The following RTEL1 variants were observed in gnomAD, a reference collection of about 807,000 sequenced individuals.
RTEL1 encodes the protein regulator of telomere elongation helicase 1.
In RTEL1, 86 loss-of-function variants were observed where a neutral mutation model predicts 162.2. The ratio of observed to expected loss-of-function variants is 0.53; its 90% confidence interval spans 0.45 to 0.63. RTEL1 has a LOEUF of 0.63. RTEL1 is among the 30% of genes least tolerant of loss of function. RTEL1 has a pLI of 0.00. For missense variants in RTEL1, 1,941 were observed against 1,750.2 expected, an observed-to-expected ratio of 1.11 and a Z score of -1.95; for synonymous variants, 958 against 717.9, an observed-to-expected ratio of 1.33 and a Z score of -5.35.
chr20:63,667,103 T>C (rs2146174486), intron 7 of RTEL1, among the ~76,000 whole-genome samples: 1 of 152,290 alleles, frequency 6.6e-6, no homozygotes, highest in South Asian at 2.1e-4. Flanking sequence ...CCTCCCAAAG[T>C]GCTGGGATTA....
chr20:63,672,578 A>T lies in RTEL1; in HGVS notation c.722A>T (p.Asp241Val), dbSNP rs1486427577. The change falls in exon 9 of 35, where the codon GAC becomes GTC. Residue 241 changes from aspartate to valine, a missense_variant. Physicochemically the swap from Asp to Val is radical, Grantham distance 152 (BLOSUM62 -3). Coordinates refer to ENST00000360203, the MANE Select transcript of RTEL1 (RefSeq NM_001283009.2). ...TAGAGCCGCAGAGCACACAACATTG[A>T]CCTGAAGGGGACAGTCGTGATCTTT... ...DAKSRRAHNI[D>V]LKGTVVIFDE... The T allele has an allele frequency of 1.9e-6, 3 of 1,585,608 alleles. No individual in the cohort carries two copies. In the African/African-American group the frequency reaches 4.0e-5, roughly 21 times the overall value.
intron 10 of RTEL1, among the ~76,000 whole-genome samples, chr20:63,675,671 C>G (rs909172550): frequency 6.6e-6 from 1 of 152,188 alleles, no homozygotes; most frequent in Non-Finnish European, 1.5e-5. Flanking sequence ...GCACCACTGC[C>G]ACCGGCTCTC....
rs764531481 is a variant in RTEL1, at chr20:63,695,490, A to G, written c.3662A>G (p.His1221Arg). Residue 1221 changes from histidine to arginine, a missense_variant, in exon 34 of 35, where the codon CAT becomes CGT. Transcript: ENST00000360203. ...GCAGCATCTGAGTGGGGTGAGCCTC[A>G]TGGGAGAGACATCGCTGGGCAGCAG... ...GPAASEWGEP[H>R]GRDIAGQQAT... 6.2e-7 allele frequency: 1 copy of G among 1,609,882 alleles called. No homozygotes were observed. Among genetic ancestry groups the G allele is most frequent in the Non-Finnish European group, 8.5e-7 (1 of 1,178,532 alleles).
At chr20:63,664,885 C>G (rs967085238) in intron 6 of RTEL1, among the ~76,000 whole-genome samples, 1 of 152,190 alleles carries the variant, frequency 6.6e-6, no homozygotes. Flanking sequence ...TGGGGCAGAG[C>G]CTCTGGGACG....
chr20:63,695,551 CTGTG>C lies in RTEL1; in HGVS notation c.3728_3731del (p.Val1243AlafsTer120). 1.2e-6 allele frequency: 2 copies of C among 1,612,392 alleles called. No homozygotes were observed. The highest frequency in any genetic ancestry group is 1.1e-5 in the South Asian group (1 of 91,078). The stretch of plus-strand genomic sequence containing the variant: ...CTCCGGGCGGGCCCCTCTCAGCAGG[CTGTG>C]TGTGCCAGGGCTGTGGGGCAGAGGA... On this transcript the variant is annotated frameshift_variant, in exon 34 of 35. Transcript: ENST00000360203. LOFTEE classifies it high-confidence loss of function.
rs1481119728 is a variant in RTEL1, at chr20:63,689,059, T to C, written c.1805T>C (p.Ile602Thr). 1.2e-6 allele frequency: 2 copies of C among 1,610,718 alleles called. No homozygotes were observed. Among genetic ancestry groups the C allele is most frequent in the South Asian group, 1.1e-5 (1 of 91,074 alleles). The change falls in exon 22 of 35, where the codon ATC (isoleucine) becomes ACC (threonine). Residue 602 changes from isoleucine to threonine, a missense_variant. Physicochemically the swap from Ile to Thr is moderately conservative, Grantham distance 89. Transcript: ENST00000360203. ...PRSKGSFSETISAYYARVAAP... is the reference protein window; with the variant it reads ...PRSKGSFSETTSAYYARVAAP... ...CCTCACCAACTTTCCTTCCAGACCA[T>C]CAGTGCTTACTATGCAAGGGTTGCC... is the stretch of plus-strand genomic sequence containing the variant.
chr20:63,687,519 G>T (rs752543530), intron 16 of RTEL1, 119 bp from the exon 17 acceptor site: 1 of 1,177,254 alleles, frequency 8.5e-7, no homozygotes, highest in Non-Finnish European at 1.2e-6. Context: ...CTGGGTGGCT[G>T]CCCGCGGCTC....
rs373014544 is a variant in RTEL1, at chr20:63,688,481, C to T, written c.1723-47C>T. 1.6e-3 allele frequency: 2,611 copies of T among 1,605,272 alleles called. 4 individuals carry two copies. The highest frequency in any genetic ancestry group is 2.0e-3 in the Non-Finnish European group (2,379 of 1,175,950). On this transcript the variant is annotated intron_variant, in intron 20 of 34. Transcript: ENST00000360203. ...CAGCTCCTGCTTGCCCTCATCGGAT[C>T]GGCGGCGTGACCAGGGCTGCCGTGT...
In RTEL1 at chr20:63,661,390, C is replaced by G; in HGVS notation, c.195C>G (p.Asp65Glu). ...TGGCCTGGCGAGAACACCTCCGAGA[C>G]GGCATCTCTGCCCGCAAGATTGCCG... ...TTLAWREHLR[D>E]GISARKIAER... is the part of the protein sequence containing the mutation. Residue 65 changes from aspartate (D) to glutamate (E), a missense_variant, in exon 3 of 35, where the codon GAC (aspartate) becomes GAG (glutamate). Transcript: ENST00000360203. The surrounding 1 kb of genome is among the most constrained non-coding windows in gnomAD (Gnocchi z 5.1). 6.2e-7 allele frequency: 1 copy of G among 1,613,938 alleles called. No homozygotes were observed. The highest frequency in any genetic ancestry group is 8.5e-7 in the Non-Finnish European group (1 of 1,180,036).
At chr20:63,687,383 G>C in intron 16 of RTEL1, 1 of 496,664 alleles carries the variant, frequency 2.0e-6, no homozygotes, top group Non-Finnish European at 3.6e-6. Flanking sequence ...CCTCTCTGCA[G>C]GTGTCCCCAG....
At chr20:63,682,459 T>C (rs13038722) in intron 14 of RTEL1, 105 of 972,006 alleles carry the variant, frequency 1.1e-4, no homozygotes, top group African/African-American at 6.7e-4. Context: ...TCCTGGAACG[T>C]GGCCTCCCAG....
At chr20:63,692,454 T>A (rs767130819) in intron 28 of RTEL1, 2 of 364,342 alleles carry the variant, frequency 5.5e-6, no homozygotes, top group Non-Finnish European at 1.0e-5. Context: ...TGCGCTGCCA[T>A]CCTGGGAGCC....
chr20:63,680,905 G>A (rs1036057250), intron 14 of RTEL1, 186 bp downstream of exon 14: 2 of 984,052 alleles, frequency 2.0e-6, no homozygotes, highest in African/African-American at 3.5e-5. Context: ...CTCCTGCAGG[G>A]ATGGGGGAGG....
Position 63,696,144 on chromosome 20 carries a change from C to A in RTEL1, c.*286C>A. On this transcript the variant is annotated 3_prime_UTR_variant, in exon 35 of 35. Coordinates refer to ENST00000360203, the MANE Select transcript of RTEL1 (RefSeq NM_001283009.2). ...GCCTGTGAGTGGTGCCACAGGGGCA[C>A]CCCAGCTGAGCCCCTCACCGGGAAG... 2.0e-6 allele frequency: 1 copy of A among 505,322 alleles called. No homozygotes were observed. Among genetic ancestry groups the A allele is most frequent in the Non-Finnish European group, 3.5e-6 (1 of 283,930 alleles). 31.3% of individuals were successfully genotyped at this position (505,322 alleles called of 1,614,324 possible).
intron 9 of RTEL1, 130 bp downstream of exon 9, chr20:63,672,751 C>T (rs1036839186): frequency 1.3e-6 from 1 of 756,476 alleles, no homozygotes; most frequent in Non-Finnish European, 2.3e-6. Context: ...GGGGACTGAG[C>T]ACACCAGGAG....
In RTEL1 at chr20:63,661,847, C is replaced by A; in HGVS notation, c.302-3C>A. On this transcript the variant is annotated splice_polypyrimidine_tract_variant and splice_region_variant and intron_variant, in intron 3 of 34. Transcript: ENST00000360203. The surrounding 1 kb of genome is among the most constrained non-coding windows in gnomAD (Gnocchi z 5.1). ...ACTTCTGTGCTTGCTTGTGTCTGGT[C>A]AGCTTGCTACACGGACATCCCAAAG... The A allele has an allele frequency of 6.2e-7, 1 of 1,613,722 alleles. No individual in the cohort carries two copies. Among genetic ancestry groups the A allele is most frequent in the South Asian group, 1.1e-5 (1 of 91,064 alleles).
In RTEL1 at chr20:63,668,364, G is replaced by A. The variant is rs925899288; in HGVS notation, c.699+811G>A. Among the ~76,000 whole-genome samples the A allele has an allele frequency of 6.6e-6, 1 of 152,230 alleles. No individual in the cohort carries two copies. Among genetic ancestry groups the A allele is most frequent in the Non-Finnish European group, 1.5e-5 (1 of 68,052 alleles). ...TTATTGAGAGCTCATCATGCTGGGTGCTATTCCAGGCATAGCAAGACTGGC... is the reference window on the plus strand; with the variant it reads ...TTATTGAGAGCTCATCATGCTGGGTACTATTCCAGGCATAGCAAGACTGGC... On this transcript the variant is annotated intron_variant, in intron 8 of 34. Transcript: ENST00000360203. This position sits in a 1 kb window ranked among gnomAD's most constrained non-coding sequence, Gnocchi z 4.3.
intron 6 of RTEL1, among the ~76,000 whole-genome samples, chr20:63,663,759 C>T (rs895269143): frequency 6.6e-6 from 1 of 152,182 alleles, no homozygotes; most frequent in Non-Finnish European, 1.5e-5. Context: ...CCGGAGCACT[C>T]AGAAGGCATC....
chr20:63,692,583 C>T, intron 28 of RTEL1: 1 of 590,392 alleles, frequency 1.7e-6, no homozygotes, highest in Non-Finnish European at 3.0e-6. Context: ...CTCTCAGTTC[C>T]CTGCCAGCCT....
Sources: gnomAD v4.1 joint callset for allele counts (sites outside exome capture counted in the v4.1 genomes callset) on GRCh38, gnomAD v4.1.1 for gene constraint, Gnocchi (gnomAD v3.1) non-coding constraint, MANE v1.5 for transcripts, NCBI Gene and HGNC (gene_info 2026-07-23, HGNC 2026-07-21) for gene names.